CPN2: variants seen among roughly 807,000 people sequenced by gnomAD.
CPN2 encodes carboxypeptidase N 83 kDa chain.
For missense variants in CPN2, 620 were observed against 671.4 expected, an observed-to-expected ratio of 0.92 and a Z score of 0.85; for synonymous variants, 336 against 318.4, an observed-to-expected ratio of 1.06 and a Z score of -0.59.
chr3:194,344,370 C>T (rs1257293042), intron 1 of CPN2, among the ~76,000 whole-genome samples: 2 of 152,198 alleles, frequency 1.3e-5, no homozygotes, highest in Non-Finnish European at 2.9e-5. Context: ...AGGAAAATCT[C>T]TACCAGTAAT....
intron 1 of CPN2, among the ~76,000 whole-genome samples, chr3:194,348,652 C>A (rs1294155667): frequency 3.3e-5 from 5 of 151,822 alleles, no homozygotes; most frequent in Admixed American, 6.6e-5. Flanking sequence ...GCACTTTGGG[C>A]GGCAGAGGCA....
At position 194,341,103 on chromosome 3, in the gene CPN2, G is replaced by A. The variant is rs1265051734; in HGVS notation, c.1600C>T (p.Leu534Phe). 1.9e-6 allele frequency: 3 copies of A among 1,609,994 alleles called. No individual in the cohort carries two copies. The highest frequency in any genetic ancestry group is 2.2e-5 in the South Asian group (2 of 90,942). Residue 534 changes from leucine (L) to phenylalanine (F), a missense_variant, in exon 2 of 2, where the codon CTC becomes TTC. Coordinates refer to ENST00000323830, the MANE Select transcript of CPN2 (RefSeq NM_001080513.4). Reference sequence around the variant, plus strand: ...GCCCGAGCCTCGATAGACACGGTGAGCCGCAGAGAACCGCAGCTCGACCTC... The same window carrying A: ...GCCCGAGCCTCGATAGACACGGTGAACCGCAGAGAACCGCAGCTCGACCTC... ...DLRSSCGSLRLTVSIEARAAG... is the reference protein window; with the variant it reads ...DLRSSCGSLRFTVSIEARAAG...
intron 1 of CPN2, among the ~76,000 whole-genome samples, chr3:194,345,683 G>A (rs955337204): frequency 1.3e-5 from 2 of 152,186 alleles, no homozygotes; most frequent in Non-Finnish European, 2.9e-5. Flanking sequence ...CAAGGTCCCG[G>A]GGTCTTCACA....
intron 1 of CPN2, among the ~76,000 whole-genome samples, chr3:194,345,300 C>T (rs1397864065): frequency 1.3e-5 from 2 of 152,186 alleles, no homozygotes; most frequent in East Asian, 1.9e-4. Flanking sequence ...TCGATTCCTC[C>T]AGAGAGCAAG....
chr3:194,346,608 G>T (rs537874430), intron 1 of CPN2, among the ~76,000 whole-genome samples: 1 of 152,320 alleles, frequency 6.6e-6, no homozygotes, highest in African/African-American at 2.4e-5. Flanking sequence ...GGCTTTGACT[G>T]CATTGCTTAA....
intron 1 of CPN2, among the ~76,000 whole-genome samples, chr3:194,344,821 C>A (rs185372339): frequency 6.6e-6 from 1 of 152,204 alleles, no homozygotes; most frequent in African/African-American, 2.4e-5. Context: ...CTCAGGCAAA[C>A]GTGTGCCTCC....
intron 1 of CPN2, among the ~76,000 whole-genome samples, chr3:194,350,015 T>C (rs1713208815): frequency 6.6e-6 from 1 of 152,072 alleles, no homozygotes; most frequent in Non-Finnish European, 1.5e-5. Flanking sequence ...TTGGCCAGGC[T>C]GGTCTCGAAC....
chr3:194,342,789 G>C (rs1712908084), intron 1 of CPN2, 84 bp from the exon 2 acceptor site: 1 of 670,752 alleles, frequency 1.5e-6, no homozygotes, highest in Non-Finnish European at 2.6e-6. Context: ...CAGTGACCAG[G>C]GCATAGTGAC....
intron 1 of CPN2, among the ~76,000 whole-genome samples, chr3:194,349,131 C>T (rs12639196): frequency 0.45 from 68,663 of 151,884 alleles, 15,913 homozygotes; most frequent in East Asian, 0.69. Context: ...GAGGCTGAGG[C>T]GGGAGCATCA....
At position 194,342,291 on chromosome 3, in the gene CPN2, C is replaced by T. The variant is rs1403331980; in HGVS notation, c.412G>A (p.Glu138Lys). 5 of 1,613,778 alleles carry T rather than the reference C, an allele frequency of 3.1e-6. No homozygotes were observed. The highest frequency in any genetic ancestry group is 1.3e-5 in the African/African-American group (1 of 74,896). Residue 138 changes from glutamate to lysine, a missense_variant, in exon 2 of 2, where the codon GAG becomes AAG. Coordinates refer to ENST00000323830, the MANE Select transcript of CPN2 (RefSeq NM_001080513.4). ...LNFNMLEALP[E>K]GLFQHLAALE... ...GCAGCCAGGTGCTGGAAAAGACCCT[C>T]GGGCAGAGCCTCCAGCATGTTGAAG... is the stretch of plus-strand genomic sequence containing the variant.
Position 194,340,954 on chromosome 3 carries a change from T to A in CPN2, c.*111A>T. The A allele has an allele frequency of 7.0e-7, 1 of 1,423,482 alleles. No homozygotes were observed. The highest frequency in any genetic ancestry group is 1.5e-5 in the South Asian group (1 of 67,596). 88.2% of individuals were successfully genotyped at this position (1,423,482 alleles called of 1,614,324 possible). A position where few individuals can be genotyped will look rare whatever the true frequency, so the allele number is the denominator to read the frequency against. On this transcript the variant is annotated 3_prime_UTR_variant, in exon 2 of 2. Coordinates refer to ENST00000323830, the MANE Select transcript of CPN2 (RefSeq NM_001080513.4). ...CCCTCACCTTGGGGATGTAACCCTG[T>A]CCCTTGCATGTGAAAAGCCAAGGCT...
Position 194,341,156 on chromosome 3 carries a change from T to C in CPN2, c.1547A>G (p.Gln516Arg), listed in dbSNP as rs778927956. The C allele has an allele frequency of 7.3e-5, 118 of 1,613,388 alleles. No individual in the cohort carries two copies. Among genetic ancestry groups the C allele is most frequent in the Non-Finnish European group, 9.2e-5 (108 of 1,179,974 alleles). ...LSPQQGSLGL[Q>R]YNASQEWDLR... ...GTCCCACTCCTGACTAGCATTGTAC[T>C]GCAGTCCCAGGGAGCCCTGCTGAGG... Residue 516 changes from glutamine (Q) to arginine (R), a missense_variant, in exon 2 of 2, where the codon CAG (glutamine) becomes CGG (arginine). Transcript: ENST00000323830.
chr3:194,343,426 G>A (rs1020952779), intron 1 of CPN2, among the ~76,000 whole-genome samples: 1 of 152,238 alleles, frequency 6.6e-6, no homozygotes, highest in African/African-American at 2.4e-5. Context: ...GTTCATATAT[G>A]AATCAGTAGC....
At chr3:194,345,165 G>T (rs1560037425) in intron 1 of CPN2, among the ~76,000 whole-genome samples, 1 of 152,192 alleles carries the variant, frequency 6.6e-6, no homozygotes, top group Non-Finnish European at 1.5e-5. Context: ...CTTCCTTTGG[G>T]CTCAGGCAGG....
Position 194,342,106 on chromosome 3 carries a change from C to T in CPN2, c.597G>A (p.Lys199=), listed in dbSNP as rs765202527. ...GACCAGAGAGCGCGTTGTTGCTCAG[C>T]TTCAGGGTCTGCAGGCTGGTGAGTG... ...FHPLTSLQTL[K]LSNNALSGLP... Residue 199 remains lysine (K), a synonymous_variant, in exon 2 of 2, where the codon AAG becomes AAA. Transcript: ENST00000323830. The T allele has an allele frequency of 3.7e-6, 6 of 1,614,130 alleles. No individual in the cohort carries two copies. Among genetic ancestry groups the T allele is most frequent in the Non-Finnish European group, 4.2e-6 (5 of 1,180,008 alleles).
rs552575595 is a variant in CPN2, at chr3:194,344,355, C to T, written c.-3-1650G>A. On this transcript the variant is annotated intron_variant, in intron 1 of 1. Coordinates refer to ENST00000323830, the MANE Select transcript of CPN2 (RefSeq NM_001080513.4). ...GCATAGCTAAGTGAGCTTGGGGAGGCGGTAAGGAAAATCTCTACCAGTAAT... is the reference window on the plus strand; with the variant it reads ...GCATAGCTAAGTGAGCTTGGGGAGGTGGTAAGGAAAATCTCTACCAGTAAT... 8.5e-5 allele frequency among the ~76,000 whole-genome samples: 13 copies of T among 152,316 alleles called. No homozygotes were observed. The South Asian group carries it at 2.5e-3, about 29-fold the overall frequency.
In CPN2 at chr3:194,342,324, T is replaced by A; in HGVS notation, c.379A>T (p.Thr127Ser). 3 of 1,613,856 alleles carry A rather than the reference T, an allele frequency of 1.9e-6. No homozygotes were observed. Among genetic ancestry groups the A allele is most frequent in the Non-Finnish European group, 2.5e-6 (3 of 1,179,966 alleles). The change falls in exon 2 of 2, where the codon ACC becomes TCC. Residue 127 changes from threonine to serine, a missense_variant. Transcript: ENST00000323830. ...GCCTCCAGCATGTTGAAGTTGAGGGTGAGCTTGCCCAGCGAGGTCAGGTTG... is the reference window on the plus strand; with the variant it reads ...GCCTCCAGCATGTTGAAGTTGAGGGAGAGCTTGCCCAGCGAGGTCAGGTTG... Reference protein sequence around the residue: ...FSNLTSLGKLTLNFNMLEALP... With the variant: ...FSNLTSLGKLSLNFNMLEALP...
intron 1 of CPN2, among the ~76,000 whole-genome samples, chr3:194,350,903 T>A (rs1713242993): frequency 6.6e-6 from 1 of 151,902 alleles, no homozygotes; most frequent in South Asian, 2.1e-4. Context: ...AGTAATACTA[T>A]TTATTATTAT....
At chr3:194,346,473 G>A (rs904604890) in intron 1 of CPN2, among the ~76,000 whole-genome samples, 13 of 152,144 alleles carry the variant, frequency 8.5e-5, no homozygotes, top group African/African-American at 1.4e-4. Context: ...CAGTGAGGGC[G>A]CAGAACACTG....
Sources: allele counts gnomAD v4.1 joint callset (sites outside exome capture counted in the v4.1 genomes callset), GRCh38; gene constraint gnomAD v4.1.1; transcripts MANE v1.5; gene names NCBI Gene and HGNC (gene_info 2026-07-23, HGNC 2026-07-21).